Variants in CLN3 observed in about 807,000 individuals in gnomAD.
CLN3 encodes CLN3 lysosomal/endosomal transmembrane protein, battenin.
A neutral mutation model predicts 60.7 loss-of-function variants in CLN3; 49 were observed. That is an observed-to-expected ratio of 0.81 (90% CI 0.64 to 1.02). The LOEUF (loss-of-function observed/expected upper bound fraction) is 1.02, where lower values mean the gene tolerates loss of function less well. Among genes scored for constraint, CLN3 ranks in the 50% least tolerant of loss-of-function variants. The probability of loss-of-function intolerance (pLI) is 0.00; values close to 1 mark genes in which losing one functional copy is unlikely to be tolerated. For missense variants in CLN3, 516 were observed against 557.4 expected (o/e 0.93, Z 0.75); for synonymous variants, 256 against 245.8 (o/e 1.04, Z -0.39).
At chr16:28,491,289 C>G (rs968976255) in intron 3 of CLN3, among the ~76,000 whole-genome samples, 193 bp downstream of exon 3, 3 of 152,200 alleles carry the variant, frequency 2.0e-5, no homozygotes, top group African/African-American at 7.2e-5. Context: ...GTATGAGGAT[C>G]TTGCTAAATC....
downstream of CLN3, among the ~76,000 whole-genome samples, chr16:28,472,750 G>A (rs1436527411): frequency 6.7e-6 from 1 of 149,142 alleles, no homozygotes; most frequent in Non-Finnish European, 1.5e-5. Flanking sequence ...GCTGAGGCAG[G>A]AGAATCGCTT....
chr16:28,487,778 C>T, intron 5 of CLN3, 37 bp from the exon 6 acceptor site: 1 of 1,555,194 alleles, frequency 6.4e-7, no homozygotes, highest in South Asian at 1.1e-5. Context: ...GCAGAGCTTC[C>T]AGGGGACAAC....
intron 10 of CLN3, 50 bp downstream of exon 10, chr16:28,483,956 C>T: frequency 7.1e-7 from 1 of 1,409,042 alleles, no homozygotes; most frequent in Non-Finnish European, 9.9e-7. Context: ...AGGAAAAGGC[C>T]AAACCCAGAG....
In CLN3 at chr16:28,477,547, GGCAAAGCCAGGA is replaced by G; in HGVS notation, c.1274_1285del (p.Leu425_Leu428del). 2.5e-6 allele frequency: 4 copies of G among 1,613,918 alleles called. No homozygotes were observed. The highest frequency in any genetic ancestry group is 3.4e-6 in the Non-Finnish European group (4 of 1,180,048). The stretch of plus-strand genomic sequence containing the variant: ...GAGCTGGCAGAGGAAGTCATGCAGA[GGCAAAGCCAGGA>G]GCCCCGACAGGGAGATCCCCAGTGT... On this transcript the variant is annotated inframe_deletion, in exon 16 of 16. Coordinates refer to ENST00000636147, the MANE Select transcript of CLN3 (RefSeq NM_001042432.2).
At chr16:28,478,984 C>A (rs554940439) in intron 14 of CLN3, among the ~76,000 whole-genome samples, 9 of 152,266 alleles carry the variant, frequency 5.9e-5, no homozygotes, top group Admixed American at 3.9e-4. Flanking sequence ...TGCCCCCCTG[C>A]CTCAGCCTCC....
intron 5 of CLN3, chr16:28,487,959 A>G (rs2046249843): frequency 1.7e-6 from 1 of 574,844 alleles, no homozygotes; most frequent in South Asian, 1.9e-5. Flanking sequence ...GGAAAATGGG[A>G]ATATCATAGC....
chr16:28,489,704 T>C (rs1167506128), intron 3 of CLN3, among the ~76,000 whole-genome samples: 1 of 151,950 alleles, frequency 6.6e-6, no homozygotes, highest in African/African-American at 2.4e-5. Context: ...TGAACTGTGA[T>C]CATGCCACTG....
intron 9 of CLN3, among the ~76,000 whole-genome samples, chr16:28,485,713 A>AATCAAATAAAG (rs910916631): frequency 6.7e-6 from 1 of 149,784 alleles, no homozygotes; most frequent in Non-Finnish European, 1.5e-5. Flanking sequence ...AAAAGGAACT[A>AATCAAATAAAG]ATCAAATAAA....
In CLN3 at chr16:28,477,876, C is replaced by T; in HGVS notation, c.1058G>A (p.Cys353Tyr). ...TGCCAGCAGGAACACCAGGTTGAGG[C>T]ACTGTGAACAGGGGGAGAGGCTAAG... ...RFTWALALLQCLNLVFLLADV... is the reference protein window; with the variant it reads ...RFTWALALLQYLNLVFLLADV... The change falls in exon 15 of 16, where the codon TGC becomes TAC. Residue 353 changes from cysteine to tyrosine, a missense_variant and splice_region_variant. Cys to Tyr is a radical substitution (Grantham distance 194). Coordinates refer to ENST00000636147, the MANE Select transcript of CLN3 (RefSeq NM_001042432.2). 1.2e-6 allele frequency: 2 copies of T among 1,613,858 alleles called. No homozygotes were observed. The highest frequency in any genetic ancestry group is 1.7e-6 in the Non-Finnish European group (2 of 1,180,010).
intron 3 of CLN3, 76 bp downstream of exon 3, chr16:28,491,406 T>C (rs1279357804): frequency 4.5e-6 from 7 of 1,563,364 alleles, no homozygotes; most frequent in Middle Eastern, 2.3e-4. Flanking sequence ...GCAGCTTAAC[T>C]CTTTCTTCCC....
intron 5 of CLN3, chr16:28,488,385 G>T: frequency 2.0e-6 from 1 of 504,342 alleles, no homozygotes; most frequent in South Asian, 3.3e-5. Flanking sequence ...ATACTGCCCA[G>T]GCTGGTCTCA....
intron 9 of CLN3, chr16:28,484,997 G>C (rs1350172653): frequency 6.6e-6 from 1 of 151,324 alleles, no homozygotes; most frequent in African/African-American, 2.4e-5. Flanking sequence ...CCAGCCTGGA[G>C]TGCAGTGGCA....
chr16:28,474,544 G>A (rs886634828), downstream of CLN3, among the ~76,000 whole-genome samples: 1 of 152,106 alleles, frequency 6.6e-6, no homozygotes, highest in South Asian at 2.1e-4. Flanking sequence ...GAATGGAAAA[G>A]AGCAAGTATT....
In CLN3 at chr16:28,491,785, G is replaced by A. The variant is rs1435738343; in HGVS notation, c.-26C>T. ...CGCATCAAGTTCAGGTCCCCCGAGG[G>A]TCCAGGGTCATAGAGTGTCCAAAGG... On this transcript the variant is annotated 5_prime_UTR_variant, in exon 2 of 16. Coordinates refer to ENST00000636147, the MANE Select transcript of CLN3 (RefSeq NM_001042432.2). The A allele has an allele frequency of 3.1e-6, 5 of 1,612,838 alleles. No individual in the cohort carries two copies. In the East Asian group the frequency reaches 8.9e-5, roughly 29 times the overall value.
chr16:28,473,849 G>A (rs1408283937), downstream of CLN3, among the ~76,000 whole-genome samples: 1 of 151,876 alleles, frequency 6.6e-6, no homozygotes, highest in East Asian at 1.9e-4. Flanking sequence ...GACATGAAAA[G>A]ATGCTCAGCA....
chr16:28,472,025 G>A (rs926768868), downstream of CLN3, among the ~76,000 whole-genome samples: 1 of 151,656 alleles, frequency 6.6e-6, no homozygotes, highest in African/African-American at 2.4e-5. Flanking sequence ...GCGAGACTCC[G>A]TCTCCAAAAA....
intron 3 of CLN3, chr16:28,490,347 G>C (rs2046292896): frequency 6.6e-6 from 1 of 151,514 alleles, no homozygotes; most frequent in Admixed American, 6.6e-5. Context: ...GGGGAGCTGA[G>C]ACAGGAGAAT....
In CLN3 at chr16:28,492,062, T is replaced by G. The variant is rs2046325375; in HGVS notation, c.-119A>C. On this transcript the variant is annotated 5_prime_UTR_variant, in exon 1 of 16. Transcript: ENST00000636147. ...TGTTCTGCACTATGCAGAGGCCGTT[T>G]GTCGGATCACGTGACAGCACCCGCG... is the stretch of plus-strand genomic sequence containing the variant. 8.1e-6 allele frequency: 4 copies of G among 491,850 alleles called. No individual in the cohort carries two copies. The highest frequency in any genetic ancestry group is 5.6e-4 in the Middle Eastern group (1 of 1,794). The allele number at this position is 491,850 out of a possible 1,614,324, so 30.5% of individuals were successfully genotyped here. A position where few individuals can be genotyped will look rare whatever the true frequency, so the allele number is the denominator to read the frequency against.
chr16:28,490,668 A>G (rs1248412789), intron 3 of CLN3, among the ~76,000 whole-genome samples: 3 of 145,896 alleles, frequency 2.1e-5, no homozygotes, highest in Non-Finnish European at 4.5e-5. Flanking sequence ...GCTGAGGCAA[A>G]AGAATGGTGT....
Sources: gnomAD v4.1 joint callset for allele counts (sites outside exome capture counted in the v4.1 genomes callset) on GRCh38, gnomAD v4.1.1 for gene constraint, MANE v1.5 for transcripts, NCBI Gene and HGNC (gene_info 2026-07-23, HGNC 2026-07-21) for gene names.